SLC6A5: variants seen among roughly 807,000 people sequenced by gnomAD.
SLC6A5 encodes the protein solute carrier family 6 member 5, also known as sodium- and chloride-dependent glycine transporter 2.
A neutral mutation model predicts 90.5 loss-of-function variants in SLC6A5; 58 were observed. The ratio of observed to expected loss-of-function variants is 0.64; its 90% CI spans 0.52 to 0.80. SLC6A5 has a LOEUF of 0.80. Ranked by LOEUF, SLC6A5 falls within the 30% of genes least tolerant of loss-of-function variation. SLC6A5 has a pLI of 0.00. For missense variants in SLC6A5, 1,015 were observed against 1,017.6 expected, an observed-to-expected ratio of 1.00 and a Z score of 0.03; for synonymous variants, 427 against 401.4, an observed-to-expected ratio of 1.06 and a Z score of -0.76.
In SLC6A5 at chr11:20,657,311, G is replaced by A. The variant is rs1192141452; in HGVS notation, c.*2443G>A. 2.0e-5 allele frequency: 3 copies of A among 152,214 alleles called. No individual in the cohort carries two copies. The highest frequency in any genetic ancestry group is 7.2e-5 in the African/African-American group (3 of 41,462). 9.4% of individuals were successfully genotyped at this position (152,214 alleles called of 1,614,324 possible). A position where few individuals can be genotyped will look rare whatever the true frequency, so the allele number is the denominator to read the frequency against. The stretch of plus-strand genomic sequence containing the variant: ...ACGGAGACCTCATCACTAGCTGCAT[G>A]TTTTGGATTTGGGGGCATTTACATT... On this transcript the variant is annotated 3_prime_UTR_variant, in exon 16 of 16. Transcript: ENST00000525748.
chr11:20,607,669 C>G lies in SLC6A5; in HGVS notation c.985+17C>G. On this transcript the variant is annotated intron_variant, in intron 5 of 15. Coordinates refer to ENST00000525748, the MANE Select transcript of SLC6A5 (RefSeq NM_004211.5). Reference sequence around the variant, plus strand: ...TTTTATTAGGTAAGTTTGGAAATACCTGCTTTAGGTGTGTGTATTCTAAAC... The same window carrying G: ...TTTTATTAGGTAAGTTTGGAAATACGTGCTTTAGGTGTGTGTATTCTAAAC... 10 of 1,600,394 alleles carry G rather than the reference C, an allele frequency of 6.2e-6. No homozygotes were observed. The highest frequency in any genetic ancestry group is 7.7e-6 in the Non-Finnish European group (9 of 1,168,134).
chr11:20,651,428 C>T (rs866303034), intron 14 of SLC6A5, among the ~76,000 whole-genome samples: 9 of 150,874 alleles, frequency 6.0e-5, no homozygotes, highest in Admixed American at 4.0e-4. Flanking sequence ...CGCGTGCCAC[C>T]ATGCCTGGCT....
At position 20,601,664 on chromosome 11, in the gene SLC6A5, A is replaced by C. The variant is rs1376721915; in HGVS notation, c.539A>C (p.Gln180Pro). 9 of 1,613,150 alleles carry C rather than the reference A, an allele frequency of 5.6e-6. No homozygotes were observed. Among genetic ancestry groups the C allele is most frequent in the African/African-American group, 1.3e-5 (1 of 74,924 alleles). Reference sequence around the variant, plus strand: ...GGCAGCGTGGCCACCGTTGCCACCCAGGTAAGCAGGTTGCATTACGGCCCG... The same window carrying C: ...GGCAGCGTGGCCACCGTTGCCACCCCGGTAAGCAGGTTGCATTACGGCCCG... ...LPGSVATVAT[Q>P]EDEQGDENKA... Residue 180 changes from glutamine to proline, a missense_variant and splice_region_variant, in exon 2 of 16, where the codon CAG becomes CCG. Coordinates refer to ENST00000525748, the MANE Select transcript of SLC6A5 (RefSeq NM_004211.5).
chr11:20,653,605 A>G (rs1444079084), intron 15 of SLC6A5, among the ~76,000 whole-genome samples: 1 of 152,220 alleles, frequency 6.6e-6, no homozygotes, highest in East Asian at 1.9e-4. Context: ...TCTTCATTGG[A>G]CTAACGGTAG....
Position 20,654,733 on chromosome 11 carries a change from G to T in SLC6A5, c.2259G>T (p.Ser753=), listed in dbSNP as rs369433798. Residue 753 remains serine, a synonymous_variant, in exon 16 of 16, where the codon TCG becomes TCT. Coordinates refer to ENST00000525748, the MANE Select transcript of SLC6A5 (RefSeq NM_004211.5). The stretch of plus-strand genomic sequence containing the variant: ...TGCAGAGGCTGAAGTTGGTGTGCTC[G>T]CCACAGCCGGACTGGGGCCCATTCT... The part of the protein sequence containing the change: ...RFIERLKLVC[S]PQPDWGPFLA... 2.2e-5 allele frequency: 35 copies of T among 1,614,000 alleles called. No homozygotes were observed. The highest frequency in any genetic ancestry group is 3.0e-5 in the Non-Finnish European group (35 of 1,180,012).
intron 6 of SLC6A5, 82 bp from the exon 7 acceptor site, chr11:20,617,670 C>T: frequency 7.9e-7 from 1 of 1,271,120 alleles, no homozygotes; most frequent in Non-Finnish European, 1.1e-6. Context: ...CCTGGCTCTA[C>T]TGGAGGCTTA....
chr11:20,658,522 G>A lies in SLC6A5; in HGVS notation c.*3654G>A, dbSNP rs1853663979. The A allele has an allele frequency of 6.6e-6, 1 of 152,176 alleles. No homozygotes were observed. Among genetic ancestry groups the A allele is most frequent in the South Asian group, 2.1e-4 (1 of 4,822 alleles). 9.4% of individuals were successfully genotyped at this position (152,176 alleles called of 1,614,324 possible). ...AAACTTCCAGGCTGGGAGCAAAGGTGTGGGTGATTCTGCCTTGATACTCAT... is the reference window on the plus strand; with the variant it reads ...AAACTTCCAGGCTGGGAGCAAAGGTATGGGTGATTCTGCCTTGATACTCAT... On this transcript the variant is annotated 3_prime_UTR_variant, in exon 16 of 16. Transcript: ENST00000525748.
intron 1 of SLC6A5, 119 bp from the exon 2 acceptor site, chr11:20,601,010 A>T: frequency 1.1e-5 from 11 of 1,003,374 alleles, no homozygotes; most frequent in Non-Finnish European, 1.5e-5. Context: ...TTCAGATTCC[A>T]ATTTGCTTCC....
At chr11:20,619,493 G>C (rs911521928) in intron 7 of SLC6A5, among the ~76,000 whole-genome samples, 2 of 152,206 alleles carry the variant, frequency 1.3e-5, no homozygotes, top group African/African-American at 4.8e-5. Context: ...AGGTCAGCTA[G>C]AGAGAACCAG....
At chr11:20,622,087 T>C (rs756187976) in intron 7 of SLC6A5, among the ~76,000 whole-genome samples, 2 of 152,194 alleles carry the variant, frequency 1.3e-5, no homozygotes, top group Non-Finnish European at 2.9e-5. Context: ...CGAGTCAGTG[T>C]CACTCCTGCC....
intron 14 of SLC6A5, among the ~76,000 whole-genome samples, chr11:20,647,513 T>C (rs1853444061): frequency 6.7e-6 from 1 of 149,002 alleles, no homozygotes; most frequent in African/African-American, 2.5e-5. Context: ...CTATGGAACA[T>C]TTCCTATGGC....
chr11:20,603,987 T>TCTTACAGAGCACCTTACAGGTTCAA (rs1271839134), intron 2 of SLC6A5, among the ~76,000 whole-genome samples: 3 of 152,070 alleles, frequency 2.0e-5, no homozygotes, highest in African/African-American at 7.2e-5. Flanking sequence ...AGCTGCTTGC[T>TCTTACAGAGCACCTTACAGGTTCAA]GGTGCGCCCT....
At chr11:20,628,109 G>C in intron 9 of SLC6A5, 26 bp downstream of exon 9, 2 of 1,550,368 alleles carry the variant, frequency 1.3e-6, no homozygotes, top group Non-Finnish European at 1.8e-6. Context: ...ACAAGATCTG[G>C]GCATAGCTGG....
rs1454998181 is a variant in SLC6A5 at position 20,628,059 on chromosome 11, A to G, written c.1475A>G (p.Asn492Ser). ...GGCCTGATCACTCTCTCTTCTTACA[A>G]CAAATTCCACAACAACTGCTACAGG... Reference protein sequence around the residue: ...WGGLITLSSYNKFHNNCYRDT... With the variant: ...WGGLITLSSYSKFHNNCYRDT... Residue 492 changes from asparagine to serine, a missense_variant, in exon 9 of 16, where the codon AAC becomes AGC. By Grantham distance (46) the Asn-to-Ser change is conservative. Transcript: ENST00000525748. The G allele has an allele frequency of 3.1e-6, 5 of 1,613,948 alleles. No individual in the cohort carries two copies. The highest frequency in any genetic ancestry group is 2.2e-5 in the East Asian group (1 of 44,884).
chr11:20,637,407 C>A (rs556901295), intron 12 of SLC6A5, 104 bp downstream of exon 12: 4 of 983,162 alleles, frequency 4.1e-6, no homozygotes, highest in Admixed American at 3.9e-5. Context: ...TAATCAAAGG[C>A]AAATCACTAC....
chr11:20,604,492 G>C (rs1852540357), intron 3 of SLC6A5, 68 bp downstream of exon 3: 3 of 1,581,094 alleles, frequency 1.9e-6, no homozygotes, highest in African/African-American at 1.3e-5. Flanking sequence ...GGTGGGACAG[G>C]AGCCCTCAGG....
At chr11:20,618,614 C>T (rs900198510) in intron 7 of SLC6A5, among the ~76,000 whole-genome samples, 4 of 152,160 alleles carry the variant, frequency 2.6e-5, no homozygotes, top group African/African-American at 9.7e-5. Context: ...GTCACAGTAA[C>T]ATTTCTTCAT....
At chr11:20,614,486 C>A (rs1396882980) in intron 5 of SLC6A5, among the ~76,000 whole-genome samples, 193 bp from the exon 6 acceptor site, 1 of 152,318 alleles carries the variant, frequency 6.6e-6, no homozygotes, top group East Asian at 1.9e-4. Context: ...GGACTGGGGG[C>A]TCTGATGGAG....
chr11:20,634,530 ATCT>A (rs1173217542), intron 10 of SLC6A5, among the ~76,000 whole-genome samples: 3 of 152,314 alleles, frequency 2.0e-5, no homozygotes, highest in Middle Eastern at 3.4e-3. Context: ...GCCATTCAAG[ATCT>A]TCTTGTCGGC....
Sources: allele counts gnomAD v4.1 joint callset (sites outside exome capture counted in the v4.1 genomes callset), GRCh38; gene constraint gnomAD v4.1.1; transcripts MANE v1.5; gene names NCBI Gene and HGNC (gene_info 2026-07-23, HGNC 2026-07-21).